Variants in NPAS3 observed in about 807,000 individuals in gnomAD.
NPAS3 encodes the protein neuronal PAS domain-containing protein 3.
A neutral mutation model predicts 73.1 loss-of-function variants in NPAS3; 14 were observed. That is an observed-to-expected ratio of 0.19 (90% CI 0.13 to 0.30). The LOEUF (loss-of-function observed/expected upper bound fraction) is 0.30, where lower values mean the gene tolerates loss of function less well. Among genes scored for constraint, NPAS3 ranks in the 10% least tolerant of loss-of-function variants. The pLI, the probability that NPAS3 is intolerant of heterozygous loss-of-function variation, is 1.00. For missense variants in NPAS3, 1,096 were observed against 1,250.0 expected, an observed-to-expected ratio of 0.88 and a Z score of 1.86; for synonymous variants, 620 against 541.5, an observed-to-expected ratio of 1.14 and a Z score of -2.01.
chr14:33,067,551 T>C (rs1226309758), intron 2 of NPAS3, among the ~76,000 whole-genome samples: 2 of 152,250 alleles, frequency 1.3e-5, no homozygotes, highest in East Asian at 3.9e-4. Context: ...AATCTCCACA[T>C]GTAATGACCA....
intron 2 of NPAS3, among the ~76,000 whole-genome samples, chr14:33,146,807 C>T (rs897470727): frequency 3.3e-5 from 5 of 152,124 alleles, no homozygotes; most frequent in African/African-American, 1.2e-4. Flanking sequence ...TACCGAAGGG[C>T]AGGAGGAGTA....
At chr14:33,176,094 T>C (rs1001880315) in intron 2 of NPAS3, among the ~76,000 whole-genome samples, 3 of 152,214 alleles carry the variant, frequency 2.0e-5, no homozygotes, top group Admixed American at 6.5e-5. Context: ...TCTAGAAATA[T>C]ATAAACATAG....
intron 4 of NPAS3, among the ~76,000 whole-genome samples, chr14:33,462,547 G>A (rs987017130): frequency 2.6e-5 from 4 of 152,156 alleles, no homozygotes; most frequent in South Asian, 2.1e-4. Flanking sequence ...GAAGGGTAAC[G>A]GGGAGCAGAG....
chr14:33,655,112 A>G (rs1436319745), intron 5 of NPAS3, among the ~76,000 whole-genome samples: 1 of 152,182 alleles, frequency 6.6e-6, no homozygotes, highest in Non-Finnish European at 1.5e-5. Context: ...TTTTCAGTTC[A>G]GCCCCTTCCT....
At chr14:33,650,896 A>T (rs8008630) in intron 5 of NPAS3, among the ~76,000 whole-genome samples, 25,086 of 152,160 alleles carry the variant, frequency 0.16, 2,404 homozygotes, top group East Asian at 0.35. Context: ...CAGAACCGAC[A>T]GACTTGAAGC....
chr14:33,712,867 C>T (rs556540678), intron 6 of NPAS3, among the ~76,000 whole-genome samples: 16 of 152,170 alleles, frequency 1.1e-4, no homozygotes, highest in Non-Finnish European at 1.8e-4. Flanking sequence ...GGAAATGCTC[C>T]GAAAGCTAGG....
intron 9 of NPAS3, among the ~76,000 whole-genome samples, chr14:33,787,428 C>G (rs1209746252): frequency 1.3e-5 from 2 of 152,070 alleles, no homozygotes; most frequent in East Asian, 3.9e-4. Context: ...GTAAATCACA[C>G]AGATAGCAAT....
intron 6 of NPAS3, among the ~76,000 whole-genome samples, chr14:33,699,190 G>A (rs377604270): frequency 2.0e-5 from 3 of 152,034 alleles, no homozygotes; most frequent in South Asian, 2.1e-4. Context: ...TCATTTTAAC[G>A]TTTTTAATTG....
At position 33,320,177 on chromosome 14, in the gene NPAS3, T is replaced by C. The variant is rs79025409; in HGVS notation, c.386-47009T>C. 0.011 allele frequency among the ~76,000 whole-genome samples: 1,652 copies of C among 152,202 alleles called. 107 individuals carry two copies. In the East Asian group the frequency reaches 0.15, roughly 14 times the overall value. On this transcript the variant is annotated intron_variant, in intron 3 of 11. Coordinates refer to ENST00000356141, the Ensembl canonical transcript of NPAS3. ...CATTTGGGGTGAAAGAAGAACACTA[T>C]GTGCTTAGGTAAGAGAGTTGTCTAG...
At chr14:33,678,194 A>G (rs2059822702) in intron 6 of NPAS3, among the ~76,000 whole-genome samples, 1 of 152,174 alleles carries the variant, frequency 6.6e-6, no homozygotes, top group East Asian at 1.9e-4. Flanking sequence ...AGTCTCTGCT[A>G]GATTCTGCCC....
intron 5 of NPAS3, among the ~76,000 whole-genome samples, chr14:33,591,636 C>A (rs1253292059): frequency 1.3e-5 from 2 of 152,156 alleles, no homozygotes; most frequent in Non-Finnish European, 2.9e-5. Flanking sequence ...CAACTGAATT[C>A]TTATAGAAAC....
intron 2 of NPAS3, among the ~76,000 whole-genome samples, chr14:33,068,925 G>A (rs2041378029): frequency 6.6e-6 from 1 of 152,106 alleles, no homozygotes; most frequent in African/African-American, 2.4e-5. Context: ...AGGTCAGGGA[G>A]GCAACAGCAC....
At chr14:33,787,468 G>A (rs574063673) in intron 9 of NPAS3, among the ~76,000 whole-genome samples, 1 of 152,140 alleles carries the variant, frequency 6.6e-6, no homozygotes, top group South Asian at 2.1e-4. Context: ...AGCGTATTAG[G>A]GGGGAAAATC....
chr14:33,360,440 A>AT (rs958891904), intron 3 of NPAS3, among the ~76,000 whole-genome samples: 8 of 152,288 alleles, frequency 5.3e-5, no homozygotes, highest in African/African-American at 1.9e-4. Flanking sequence ...GTATGATCTA[A>AT]TTTTTTACCT....
At chr14:33,102,066 A>G (rs1037315219) in intron 2 of NPAS3, among the ~76,000 whole-genome samples, 8 of 152,130 alleles carry the variant, frequency 5.3e-5, no homozygotes, top group Non-Finnish European at 1.2e-4. Flanking sequence ...TCCCACTACC[A>G]TGCCAGCTTA....
chr14:33,544,793 TA>T (rs1566989448), intron 4 of NPAS3, among the ~76,000 whole-genome samples: 79 of 107,836 alleles, frequency 7.3e-4, no homozygotes, highest in Middle Eastern at 9.0e-3. Context: ...GTGTATTATA[TA>T]TATATATATA....
At chr14:33,599,288 A>C (rs1466548692) in intron 5 of NPAS3, among the ~76,000 whole-genome samples, 1 of 152,210 alleles carries the variant, frequency 6.6e-6, no homozygotes, top group Non-Finnish European at 1.5e-5. Context: ...CAAGAAGAAC[A>C]GATGTAAGAG....
intron 2 of NPAS3, among the ~76,000 whole-genome samples, chr14:33,132,436 C>G (rs954118899): frequency 2.0e-5 from 3 of 152,060 alleles, no homozygotes; most frequent in Non-Finnish European, 4.4e-5. Flanking sequence ...TATTTTAAAC[C>G]ATACATACCT....
In NPAS3 at chr14:33,800,800, C is replaced by T. The variant is rs569663076; in HGVS notation, c.2493C>T (p.Tyr831=). Residue 831 remains tyrosine (Y), a synonymous_variant, in exon 12 of 12, where the codon TAC becomes TAT. Coordinates refer to ENST00000356141, the Ensembl canonical transcript of NPAS3. The surrounding 1 kb of genome is among the most constrained non-coding windows in gnomAD (Gnocchi z 6.5). ...TCTACACCACGGGCACCATCCGCTA[C>T]GCGCCCGCCGAGGTGACCCTGGCCA... 9 of 1,592,272 alleles carry T rather than the reference C, an allele frequency of 5.7e-6. No homozygotes were observed. The highest frequency in any genetic ancestry group is 1.7e-4 in the Middle Eastern group (1 of 6,038).
Sources: allele counts gnomAD v4.1 joint callset (sites outside exome capture counted in the v4.1 genomes callset), GRCh38; gene constraint gnomAD v4.1.1; non-coding constraint Gnocchi (gnomAD v3.1); transcripts MANE v1.5; gene names NCBI Gene and HGNC (gene_info 2026-07-23, HGNC 2026-07-21).